ADAMTS19: variants seen among roughly 807,000 people sequenced by gnomAD.
ADAMTS19 encodes the protein ADAM metallopeptidase with thrombospondin type 1 motif 19, also known as A disintegrin and metalloproteinase with thrombospondin motifs 19.
In ADAMTS19, 93 loss-of-function variants were observed where a neutral mutation model predicts 153.3. That is an observed-to-expected ratio of 0.61 (90% CI 0.51 to 0.72). The LOEUF (loss-of-function observed/expected upper bound fraction) is 0.72, where lower values mean the gene tolerates loss of function less well. Among genes scored for constraint, ADAMTS19 ranks in the 30% least tolerant of loss-of-function variants. The pLI, the probability that ADAMTS19 is intolerant of heterozygous loss-of-function variation, is 0.00. For missense variants in ADAMTS19, 1,482 were observed against 1,552.1 expected (o/e 0.95, Z 0.76); for synonymous variants, 600 against 556.6 (o/e 1.08, Z -1.10).
At chr5:129,684,026 G>A (rs1356237327) in intron 17 of ADAMTS19, 94 bp from the exon 18 acceptor site, 1 of 1,337,706 alleles carries the variant, frequency 7.5e-7, no homozygotes, top group Non-Finnish European at 1.0e-6. Flanking sequence ...ACAACACAAT[G>A]AGCATTTTAA....
Position 129,734,966 on chromosome 5 carries a change from G to A in ADAMTS19, c.3347G>A (p.Arg1116His), listed in dbSNP as rs761846748. Residue 1116 changes from arginine (R) to histidine (H), a missense_variant, in exon 22 of 23, where the codon CGT (arginine) becomes CAT (histidine). By Grantham distance (29) the Arg-to-His change is conservative. Transcript: ENST00000274487. ...ACCTGTGGCAAAGGAATGCAGTCCCGTGTAATCCAATGCATGCATAAGATC... is the reference window on the plus strand; with the variant it reads ...ACCTGTGGCAAAGGAATGCAGTCCCATGTAATCCAATGCATGCATAAGATC... ...SITCGKGMQS[R>H]VIQCMHKITG... 7 of 1,608,614 alleles carry A rather than the reference G, an allele frequency of 4.4e-6. No homozygotes were observed. Among genetic ancestry groups the A allele is most frequent in the South Asian group, 1.1e-5 (1 of 89,990 alleles).
chr5:129,487,303 T>C (rs1750630611), intron 2 of ADAMTS19, among the ~76,000 whole-genome samples: 1 of 152,154 alleles, frequency 6.6e-6, no homozygotes, highest in Non-Finnish European at 1.5e-5. Flanking sequence ...TTTTTCAATA[T>C]ATGATGCTAT....
intron 8 of ADAMTS19, among the ~76,000 whole-genome samples, chr5:129,615,369 C>A (rs373329049): frequency 6.6e-6 from 1 of 151,942 alleles, no homozygotes; most frequent in African/African-American, 2.4e-5. Context: ...GGATTTCATC[C>A]TGTAGATCAT....
intron 6 of ADAMTS19, among the ~76,000 whole-genome samples, chr5:129,547,684 C>T (rs1254974294): frequency 6.6e-6 from 1 of 150,462 alleles, no homozygotes; most frequent in Non-Finnish European, 1.5e-5. Flanking sequence ...CTTTAAAGTT[C>T]ATATGGAACC....
rs1168417157 is a variant in ADAMTS19 at position 129,737,727 on chromosome 5, A to G, written c.*509A>G. Reference sequence around the variant, plus strand: ...ATGCTGTTGAACAGGTTTTTAGAGAATGTATTATGAATTTGGTTCAGATTT... The same window carrying G: ...ATGCTGTTGAACAGGTTTTTAGAGAGTGTATTATGAATTTGGTTCAGATTT... On this transcript the variant is annotated 3_prime_UTR_variant, in exon 23 of 23. Transcript: ENST00000274487. 2 of 152,522 alleles carry G rather than the reference A, an allele frequency of 1.3e-5. No individual in the cohort carries two copies. Among genetic ancestry groups the G allele is most frequent in the African/African-American group, 4.8e-5 (2 of 41,442 alleles). The allele number at this position is 152,522 out of a possible 1,614,324, so 9.4% of individuals were successfully genotyped here.
At position 129,670,820 on chromosome 5, in the gene ADAMTS19, C is replaced by A. The variant is rs556836998; in HGVS notation, c.2506+5241C>A. On this transcript the variant is annotated intron_variant, in intron 16 of 22. Transcript: ENST00000274487. Reference sequence around the variant, plus strand: ...CACTGTCTCCAATTCTACTAAATCCCATCATTTTTCTCTGTTAGTGACCTC... The same window carrying A: ...CACTGTCTCCAATTCTACTAAATCCAATCATTTTTCTCTGTTAGTGACCTC... Among the ~76,000 whole-genome samples, 3 of 152,214 alleles carry A rather than the reference C, an allele frequency of 2.0e-5. No individual in the cohort carries two copies. The East Asian group carries it at 5.8e-4, about 29-fold the overall frequency.
chr5:129,532,661 TTTTTTCATAA>T (rs1378243175), intron 6 of ADAMTS19, among the ~76,000 whole-genome samples: 4 of 152,220 alleles, frequency 2.6e-5, no homozygotes, highest in Admixed American at 1.3e-4. Flanking sequence ...TTTCATAATT[TTTTTTCATAA>T]TTTTTCATAA....
At chr5:129,585,523 T>TA (rs1203617195) in intron 7 of ADAMTS19, among the ~76,000 whole-genome samples, 2 of 152,190 alleles carry the variant, frequency 1.3e-5, no homozygotes, top group African/African-American at 2.4e-5. Flanking sequence ...ACTTGTACTA[T>TA]ATCCCTACTA....
chr5:129,529,874 G>A (rs540174889), intron 6 of ADAMTS19, among the ~76,000 whole-genome samples: 1 of 152,112 alleles, frequency 6.6e-6, no homozygotes, highest in African/African-American at 2.4e-5. Context: ...AAAAAGATAA[G>A]AGGAATAAGC....
intron 2 of ADAMTS19, 110 bp from the exon 3 acceptor site, chr5:129,508,967 G>A (rs750267763): frequency 8.2e-6 from 7 of 852,618 alleles, no homozygotes; most frequent in Non-Finnish European, 1.2e-5. Context: ...AGTTTCACTA[G>A]AAGACTGTAT....
At chr5:129,462,033 C>G (rs1749691623) in intron 2 of ADAMTS19, among the ~76,000 whole-genome samples, 1 of 152,186 alleles carries the variant, frequency 6.6e-6, no homozygotes, top group Non-Finnish European at 1.5e-5. Context: ...CTTTTCGTAA[C>G]TTCTTCCCAA....
intron 21 of ADAMTS19, among the ~76,000 whole-genome samples, chr5:129,720,159 T>C (rs1756923630): frequency 7.1e-6 from 1 of 141,002 alleles, no homozygotes; most frequent in South Asian, 2.1e-4. Flanking sequence ...TATATATATA[T>C]ATATATATAT....
intron 21 of ADAMTS19, among the ~76,000 whole-genome samples, chr5:129,733,753 C>G (rs1439136949): frequency 1.3e-5 from 2 of 151,990 alleles, no homozygotes; most frequent in Non-Finnish European, 2.9e-5. Flanking sequence ...ATGGAGGGTT[C>G]TCAAACACCT....
intron 2 of ADAMTS19, among the ~76,000 whole-genome samples, chr5:129,463,343 A>G (rs1329470514): frequency 6.6e-6 from 1 of 151,896 alleles, no homozygotes; most frequent in Non-Finnish European, 1.5e-5. Context: ...GGTTTTTTGT[A>G]TGTAACAAAC....
At chr5:129,650,120 A>G (rs1219326544) in intron 13 of ADAMTS19, among the ~76,000 whole-genome samples, 1 of 152,176 alleles carries the variant, frequency 6.6e-6, no homozygotes, top group Admixed American at 6.5e-5. Context: ...ACAGTGAGCC[A>G]AGATGGTGCC....
chr5:129,674,909 C>A (rs890929518), intron 16 of ADAMTS19, among the ~76,000 whole-genome samples: 1 of 152,090 alleles, frequency 6.6e-6, no homozygotes, highest in African/African-American at 2.4e-5. Context: ...GCCTGAAGAG[C>A]ATTCTTTAAT....
intron 2 of ADAMTS19, among the ~76,000 whole-genome samples, chr5:129,485,603 T>TA (rs1232205832): frequency 2.0e-5 from 3 of 152,054 alleles, no homozygotes; most frequent in Non-Finnish European, 2.9e-5. Flanking sequence ...TACAAACTAT[T>TA]AATGAAAGGG....
intron 8 of ADAMTS19, among the ~76,000 whole-genome samples, chr5:129,618,524 T>A (rs1751631896): frequency 1.3e-5 from 2 of 151,986 alleles, no homozygotes; most frequent in Non-Finnish European, 2.9e-5. Context: ...TTCAAAAACA[T>A]ATTTAATTTT....
intron 3 of ADAMTS19, among the ~76,000 whole-genome samples, chr5:129,515,544 T>C (rs1224374354): frequency 6.6e-6 from 1 of 152,008 alleles, no homozygotes; most frequent in Admixed American, 6.6e-5. Context: ...TAATTTTATG[T>C]GTGGCTATTG....
Sources: gnomAD v4.1 joint callset for allele counts (sites outside exome capture counted in the v4.1 genomes callset) on GRCh38, gnomAD v4.1.1 for gene constraint, MANE v1.5 for transcripts, NCBI Gene and HGNC (gene_info 2026-07-23, HGNC 2026-07-21) for gene names.